The following GPR174 variants were observed in gnomAD, a reference collection of about 807,000 sequenced individuals.
GPR174 encodes the protein G protein-coupled receptor 174.
GPR174 carries 8 observed loss-of-function variants against 16.5 expected under a neutral mutation model. The ratio of observed to expected loss-of-function variants is 0.48; its 90% confidence interval spans 0.28 to 0.87. GPR174 has a LOEUF of 0.87. Ranked by LOEUF, GPR174 falls within the 40% of genes least tolerant of loss-of-function variation. The pLI is 0.09. For missense variants in GPR174, 214 were observed against 247.5 expected (o/e 0.86, Z 0.91); for synonymous variants, 111 against 94.8 (o/e 1.17, Z -0.99).
intron 1 of GPR174, among the ~76,000 whole-genome samples, chrX:79,152,996 G>A (rs1172102177): frequency 1.8e-5 from 2 of 112,092 alleles, no homozygotes; most frequent in African/African-American, 6.5e-5. Flanking sequence ...GCCTGGTTAA[G>A]CTTGCAGATT....
At chrX:79,149,388 G>A (rs1342293061) in intron 1 of GPR174, among the ~76,000 whole-genome samples, 1 of 111,232 alleles carries the variant, frequency 9.0e-6, no homozygotes, top group East Asian at 2.8e-4. Context: ...GTTAAAGCTA[G>A]GTAGTACTGA....
At chrX:79,150,490 C>T (rs1926579943) in intron 1 of GPR174, among the ~76,000 whole-genome samples, 1 of 111,700 alleles carries the variant, frequency 9.0e-6, no homozygotes, top group Admixed American at 9.5e-5. Flanking sequence ...ATCTATTTAA[C>T]ATTTGCATGC....
chrX:79,149,323 T>G, intron 1 of GPR174, among the ~76,000 whole-genome samples: 1 of 111,960 alleles, frequency 8.9e-6, no homozygotes, highest in East Asian at 2.8e-4. Flanking sequence ...TTCCCCTTTA[T>G]TTTTATACCT....
At chrX:79,168,331 T>C (rs1371585415) in intron 2 of GPR174, among the ~76,000 whole-genome samples, 1 of 111,595 alleles carries the variant, frequency 9.0e-6, no homozygotes, top group Non-Finnish European at 1.9e-5. Context: ...GGTTGCTTAT[T>C]ACCTGTGATG....
intron 1 of GPR174, among the ~76,000 whole-genome samples, chrX:79,146,042 G>A (rs1926493899): frequency 1.8e-5 from 2 of 111,631 alleles, no homozygotes; most frequent in Non-Finnish European, 3.8e-5. Flanking sequence ...TTCCTTGTTT[G>A]CGTGTTGTCT....
chrX:79,159,930 A>G (rs1212815128), intron 2 of GPR174, among the ~76,000 whole-genome samples: 2 of 111,755 alleles, frequency 1.8e-5, no homozygotes, highest in East Asian at 5.5e-4. Flanking sequence ...CAGGCATTCA[A>G]TTGCAGAGGT....
chrX:79,144,998 CTCTCTCTCTTTCTT>C lies in GPR174; in HGVS notation c.-869_-856del, dbSNP rs940496525. 2 of 28,433 alleles carry C rather than the reference CTCTCTCTCTTTCTT, an allele frequency of 7.0e-5. No individual in the cohort carries two copies. The highest frequency in any genetic ancestry group is 1.1e-3 in the East Asian group (1 of 935). The allele number at this position is 28,433 out of a possible 1,213,427, so 2.3% of individuals were successfully genotyped here. A position where few individuals can be genotyped will look rare whatever the true frequency, so the allele number is the denominator to read the frequency against. Reference sequence around the variant, plus strand: ...TTTCTTTTTCTTTCTTTCTTTCTCTCTCTCTCTCTTTCTTTCTTTCTTTCTTTCTTTCTTTCTTT... The same window carrying C: ...TTTCTTTTTCTTTCTTTCTTTCTCTCTCTTTCTTTCTTTCTTTCTTTCTTT... On this transcript the variant is annotated 5_prime_UTR_variant, in exon 1 of 3. Transcript: ENST00000645147.
At chrX:79,149,238 T>A (rs1320020746) in intron 1 of GPR174, among the ~76,000 whole-genome samples, 2 of 112,483 alleles carry the variant, frequency 1.8e-5, no homozygotes, top group African/African-American at 6.4e-5. Flanking sequence ...CTCCACATCC[T>A]TATGACAATA....
At chrX:79,164,041 C>T (rs1921296721) in intron 2 of GPR174, among the ~76,000 whole-genome samples, 1 of 111,305 alleles carries the variant, frequency 9.0e-6, no homozygotes, top group Non-Finnish European at 1.9e-5. Flanking sequence ...CTGATGAGGA[C>T]CTACATTATT....
At chrX:79,152,836 T>C (rs1921011681) in intron 1 of GPR174, among the ~76,000 whole-genome samples, 1 of 111,958 alleles carries the variant, frequency 8.9e-6, no homozygotes, top group African/African-American at 3.2e-5. Context: ...ACCATGCAGA[T>C]ACTGAACAGG....
At chrX:79,162,785 T>C (rs912492113) in intron 2 of GPR174, among the ~76,000 whole-genome samples, 6 of 111,668 alleles carry the variant, frequency 5.4e-5, no homozygotes, top group East Asian at 2.8e-4. Flanking sequence ...ATCAAAGAGA[T>C]TGAACCATAT....
At chrX:79,160,802 A>G (rs1921217527) in intron 2 of GPR174, among the ~76,000 whole-genome samples, 1 of 111,988 alleles carries the variant, frequency 8.9e-6, no homozygotes, top group Non-Finnish European at 1.9e-5. Context: ...AAGGCAGTGA[A>G]GAGAGAAGGG....
In GPR174 at chrX:79,170,996, C is replaced by T. The variant is rs770677846; in HGVS notation, c.-12C>T. The T allele has an allele frequency of 8.5e-7, 1 of 1,171,039 alleles. No individual in the cohort carries two copies. The highest frequency in any genetic ancestry group is 1.1e-6 in the Non-Finnish European group (1 of 874,010). The stretch of plus-strand genomic sequence containing the variant: ...CCACCATTAGGCAAAGATAGTTTCT[C>T]TAGAGAGAATCATGCCTGCTAATTA... On this transcript the variant is annotated 5_prime_UTR_variant, in exon 3 of 3. Transcript: ENST00000645147.
intron 2 of GPR174, among the ~76,000 whole-genome samples, chrX:79,166,614 T>C (rs1288840163): frequency 9.3e-6 from 1 of 108,037 alleles, no homozygotes; most frequent in African/African-American, 3.4e-5. Context: ...AACTTTTGTA[T>C]TTTTAGTAGA....
At chrX:79,154,528 G>A (rs1921051484) in intron 1 of GPR174, among the ~76,000 whole-genome samples, 1 of 111,582 alleles carries the variant, frequency 9.0e-6, no homozygotes, top group Non-Finnish European at 1.9e-5. Context: ...AGCCCAAGCA[G>A]TTAAACTTGT....
At chrX:79,158,448 C>CT (rs1349860423) in intron 2 of GPR174, among the ~76,000 whole-genome samples, 684 of 30,519 alleles carry the variant, frequency 0.022, 13 homozygotes, top group African/African-American at 0.05. Flanking sequence ...CTTTCTTTTT[C>CT]TTTTTTTTTT....
chrX:79,169,797 T>C (rs1008412861), intron 2 of GPR174, among the ~76,000 whole-genome samples: 3 of 111,921 alleles, frequency 2.7e-5, no homozygotes, highest in East Asian at 5.6e-4. Context: ...CTACATCTGT[T>C]GTCTCAGGTA....
In GPR174 at chrX:79,174,523, G is replaced by T. The variant is rs534954710; in HGVS notation, c.*2514G>T. 4 of 109,610 alleles carry T rather than the reference G, an allele frequency of 3.6e-5. No homozygotes were observed. Among genetic ancestry groups the T allele is most frequent in the African/African-American group, 1.3e-4 (4 of 30,117 alleles). 9.0% of individuals were successfully genotyped at this position (109,610 alleles called of 1,213,427 possible). A position where few individuals can be genotyped will look rare whatever the true frequency, so the allele number is the denominator to read the frequency against. On this transcript the variant is annotated 3_prime_UTR_variant, in exon 3 of 3. Coordinates refer to ENST00000645147, the MANE Select transcript of GPR174 (RefSeq NM_032553.3). ...CTGAAGCAGACAGACTGGAGGGAAA[G>T]AAATTTTGGATAAAGTGGGTCCCAC...
Position 79,149,821 on chromosome X carries a change from G to GTTTT in GPR174, c.-654+4619_-654+4622dup, listed in dbSNP as rs34575264. On this transcript the variant is annotated intron_variant, in intron 1 of 2. Transcript: ENST00000645147. ...TGGAGACTAGATTAAACCTCCCTCA[G>GTTTT]TTTTTTTTTTTTTTTTTTGCCATGA... Among the ~76,000 whole-genome samples, 68 of 82,140 alleles carry GTTTT rather than the reference G, an allele frequency of 8.3e-4. 1 individual carries two copies. Among genetic ancestry groups the GTTTT allele is most frequent in the African/African-American group, 2.3e-3 (52 of 22,171 alleles). The allele number at this position is 82,140 out of a possible 115,157, so 71.3% of individuals were successfully genotyped here.
Sources: gnomAD v4.1 joint callset for allele counts (sites outside exome capture counted in the v4.1 genomes callset) on GRCh38, gnomAD v4.1.1 for gene constraint, MANE v1.5 for transcripts, NCBI Gene and HGNC (gene_info 2026-07-23, HGNC 2026-07-21) for gene names.